Variants in DISP3 observed in about 807,000 individuals in gnomAD.
DISP3 encodes the protein dispatched RND transporter family member 3, also known as protein dispatched homolog 3.
A neutral mutation model predicts 135.3 loss-of-function variants in DISP3; 101 were observed. That is an observed-to-expected ratio of 0.75 (90% confidence interval 0.64 to 0.88). The LOEUF (loss-of-function observed/expected upper bound fraction) is 0.88. Ranked by LOEUF, DISP3 falls within the 40% of genes least tolerant of loss-of-function variation. DISP3 has a pLI of 0.00. For synonymous variants in DISP3, 856 were observed against 817.0 expected (o/e 1.05, Z -0.81); for missense variants, 1,713 against 1,878.6 (o/e 0.91, Z 1.63).
rs760833508 is a variant in DISP3, at chr1:11,535,435, A to G, written c.3650-43A>G. 5.5e-5 allele frequency: 86 copies of G among 1,564,858 alleles called. 1 individual carries two copies. The South Asian group carries it at 9.7e-4, about 18-fold the overall frequency. ...ACCTCCCTGTTCCTCTGAGGCCTCC[A>G]GGGCGGGGGATCCGAGCTGCCCCCC... On this transcript the variant is annotated intron_variant, in intron 19 of 20. Coordinates refer to ENST00000294484, the MANE Select transcript of DISP3 (RefSeq NM_020780.2).
intron 13 of DISP3, 146 bp downstream of exon 13, chr1:11,526,981 A>T: frequency 9.9e-7 from 1 of 1,013,548 alleles, no homozygotes; most frequent in Non-Finnish European, 1.4e-6. Flanking sequence ...CCCAGGCTGG[A>T]GTGCAGTGGC....
Position 11,516,922 on chromosome 1 carries a change from A to G in DISP3, c.1750-541A>G, listed in dbSNP as rs1642028801. Among the ~76,000 whole-genome samples the G allele has an allele frequency of 6.6e-6, 1 of 152,144 alleles. No homozygotes were observed. The highest frequency in any genetic ancestry group is 1.5e-5 in the Non-Finnish European group (1 of 68,018). ...ATGTGTGGATTATCCAGGGACTGAGATGCGAGGATGATTGTGAAAGTGTTT... is the reference window on the plus strand; with the variant it reads ...ATGTGTGGATTATCCAGGGACTGAGGTGCGAGGATGATTGTGAAAGTGTTT... On this transcript the variant is annotated intron_variant, in intron 6 of 20. Coordinates refer to ENST00000294484, the MANE Select transcript of DISP3 (RefSeq NM_020780.2). This position sits in a 1 kb window ranked among gnomAD's most constrained non-coding sequence, Gnocchi z 5.1.
chr1:11,524,873 T>C (rs1426544592), intron 11 of DISP3, among the ~76,000 whole-genome samples: 4 of 61,888 alleles, frequency 6.5e-5, no homozygotes, highest in Non-Finnish European at 1.3e-4. Flanking sequence ...CCCCACCATC[T>C]CTGCCACCCC....
rs1325280097 is a variant in DISP3 at position 11,483,923 on chromosome 1, A to T, written c.-4+4551A>T. 6.6e-6 allele frequency among the ~76,000 whole-genome samples: 1 copy of T among 152,252 alleles called. No homozygotes were observed. Among genetic ancestry groups the T allele is most frequent in the Non-Finnish European group, 1.5e-5 (1 of 68,044 alleles). On this transcript the variant is annotated intron_variant, in intron 1 of 20. Coordinates refer to ENST00000294484, the MANE Select transcript of DISP3 (RefSeq NM_020780.2). The surrounding 1 kb of genome is among the most constrained non-coding windows in gnomAD (Gnocchi z 5.4). ...GCCCAGCATCACACAGCATGTTGGT[A>T]GCAGAGCCTGAGTCTCAGAATCCCA...
At chr1:11,484,458 G>T (rs1640982754) in intron 1 of DISP3, among the ~76,000 whole-genome samples, 1 of 152,220 alleles carries the variant, frequency 6.6e-6, no homozygotes, top group Non-Finnish European at 1.5e-5. Flanking sequence ...TACCAGCAGA[G>T]GCTGTGTGTC....
intron 17 of DISP3, 38 bp from the exon 18 acceptor site, chr1:11,534,343 T>C (rs2235663): frequency 0.42 from 671,901 of 1,612,440 alleles, 154,784 homozygotes; most frequent in African/African-American, 0.87. Context: ...TGGGCCACAG[T>C]CCCTGCCTGT....
chr1:11,482,700 C>G (rs368912022), intron 1 of DISP3, among the ~76,000 whole-genome samples: 1 of 152,116 alleles, frequency 6.6e-6, no homozygotes, highest in African/African-American at 2.4e-5. Flanking sequence ...CCACCTGAAC[C>G]CCTCTTATAC....
rs951917437 is a variant in DISP3, at chr1:11,519,082, C to G, written c.1890-273C>G. ...TCCCCTGATTTGATCACCTTAGTGCCCGGGCCACTGTGTGTTGTCATCCCC... is the reference window on the plus strand; with the variant it reads ...TCCCCTGATTTGATCACCTTAGTGCGCGGGCCACTGTGTGTTGTCATCCCC... On this transcript the variant is annotated intron_variant, in intron 7 of 20. Coordinates refer to ENST00000294484, the MANE Select transcript of DISP3 (RefSeq NM_020780.2). The surrounding 1 kb of genome is among the most constrained non-coding windows in gnomAD (Gnocchi z 4.3). Among the ~76,000 whole-genome samples, 4 of 152,140 alleles carry G rather than the reference C, an allele frequency of 2.6e-5. No individual in the cohort carries two copies. The highest frequency in any genetic ancestry group is 9.7e-5 in the African/African-American group (4 of 41,418).
At chr1:11,530,622 G>T (rs879381871) in intron 15 of DISP3, among the ~76,000 whole-genome samples, 18 of 152,064 alleles carry the variant, frequency 1.2e-4, no homozygotes, top group Non-Finnish European at 2.1e-4. Context: ...CTGGGAGGGT[G>T]GGGAGAAAAG....
intron 10 of DISP3, among the ~76,000 whole-genome samples, chr1:11,522,771 GACCCAGCCAGGGCCCAGCCAGA>G (rs1557615416): frequency 3.6e-4 from 14 of 39,338 alleles, no homozygotes; most frequent in Admixed American, 6.3e-4. Flanking sequence ...ACCCAGCCAG[GACCCAGCCAGGGCCCAGCCAGA>G]GCCCAGCCAG....
intron 1 of DISP3, among the ~76,000 whole-genome samples, chr1:11,498,422 C>T (rs1302671405): frequency 2.0e-5 from 3 of 152,086 alleles, no homozygotes; most frequent in Non-Finnish European, 4.4e-5. Flanking sequence ...GATCTCTCTG[C>T]ATGGGCTAGT....
intron 19 of DISP3, 54 bp downstream of exon 19, chr1:11,535,178 G>A (rs1570154869): frequency 6.7e-7 from 1 of 1,501,430 alleles, no homozygotes; most frequent in Non-Finnish European, 9.0e-7. Flanking sequence ...GGAACAGACA[G>A]TCTCCCCGGT....
Position 11,520,002 on chromosome 1 carries a change from C to G in DISP3, c.2200+122C>G, listed in dbSNP as rs948486003. On this transcript the variant is annotated intron_variant, in intron 9 of 20. Transcript: ENST00000294484. The surrounding 1 kb of genome is among the most constrained non-coding windows in gnomAD (Gnocchi z 4.8). Reference sequence around the variant, plus strand: ...TCAGAGGCCTGGGCTGGGGTCTCTCCCTCTCTGACCCCCCCTCTTTCCTGT... The same window carrying G: ...TCAGAGGCCTGGGCTGGGGTCTCTCGCTCTCTGACCCCCCCTCTTTCCTGT... 1.1e-6 allele frequency: 1 copy of G among 886,980 alleles called. No homozygotes were observed. The highest frequency in any genetic ancestry group is 1.7e-6 in the Non-Finnish European group (1 of 592,682). 54.9% of individuals were successfully genotyped at this position (886,980 alleles called of 1,614,324 possible).
At chr1:11,511,951 G>A (rs1641867469) in intron 3 of DISP3, among the ~76,000 whole-genome samples, 1 of 152,146 alleles carries the variant, frequency 6.6e-6, no homozygotes, top group Non-Finnish European at 1.5e-5. Flanking sequence ...CCAAAGCTTG[G>A]GGCTTCCACC....
intron 1 of DISP3, among the ~76,000 whole-genome samples, chr1:11,494,200 A>G (rs767588609): frequency 6.6e-6 from 1 of 152,266 alleles, no homozygotes; most frequent in African/African-American, 2.4e-5. Flanking sequence ...GTGAATGCTC[A>G]TAATGCCTTC....
chr1:11,489,654 T>C (rs1321201733), intron 1 of DISP3, among the ~76,000 whole-genome samples: 1 of 152,202 alleles, frequency 6.6e-6, no homozygotes, highest in Non-Finnish European at 1.5e-5. Flanking sequence ...AGAGCATCTC[T>C]TCCCGCTCCC....
At chr1:11,533,946 G>A (rs1642641308) in intron 17 of DISP3, 1 of 697,734 alleles carries the variant, frequency 1.4e-6, no homozygotes, top group Non-Finnish European at 2.6e-6. Context: ...GGCCAGGCAG[G>A]TTGCCAGGCA....
chr1:11,508,363 A>T (rs146434984), intron 3 of DISP3, among the ~76,000 whole-genome samples: 28 of 152,170 alleles, frequency 1.8e-4, no homozygotes, highest in Non-Finnish European at 3.7e-4. Flanking sequence ...GGCTGCAGTG[A>T]ACTATGATTG....
At position 11,515,428 on chromosome 1, in the gene DISP3, C is replaced by G. The variant is rs760169478; in HGVS notation, c.1513C>G (p.Leu505Val). 3 of 1,614,154 alleles carry G rather than the reference C, an allele frequency of 1.9e-6. No individual in the cohort carries two copies. The highest frequency in any genetic ancestry group is 2.2e-5 in the South Asian group (2 of 91,078). ...IGLSCLVALFLYHVVFGIQYL... is the reference protein window; with the variant it reads ...IGLSCLVALFVYHVVFGIQYL... Reference sequence around the variant, plus strand: ...TCTCAGCTGCCTGGTGGCCCTCTTCCTGTACCACGTGGTCTTTGGTATCCA... The same window carrying G: ...TCTCAGCTGCCTGGTGGCCCTCTTCGTGTACCACGTGGTCTTTGGTATCCA... Residue 505 changes from leucine (L) to valine (V), a missense_variant, in exon 5 of 21, where the codon CTG (leucine) becomes GTG (valine). Coordinates refer to ENST00000294484, the MANE Select transcript of DISP3 (RefSeq NM_020780.2).
Sources: gnomAD v4.1 joint callset for allele counts (sites outside exome capture counted in the v4.1 genomes callset) on GRCh38, gnomAD v4.1.1 for gene constraint, Gnocchi (gnomAD v3.1) non-coding constraint, MANE v1.5 for transcripts, NCBI Gene and HGNC (gene_info 2026-07-23, HGNC 2026-07-21) for gene names.